Variants in PPM1H observed in about 807,000 individuals in gnomAD.
PPM1H encodes the protein protein phosphatase, Mg2+/Mn2+ dependent 1H, also known as protein phosphatase 1H.
PPM1H carries 27 observed loss-of-function variants against 54.9 expected under a neutral mutation model. The observed-to-expected ratio is 0.49, with a 90% CI of 0.36 to 0.68. The LOEUF is 0.68. PPM1H is among the 30% of genes least tolerant of loss of function. PPM1H has a pLI of 0.00. For synonymous variants in PPM1H, 305 were observed against 270.8 expected (o/e 1.13, Z -1.24); for missense variants, 596 against 667.8 (o/e 0.89, Z 1.19).
At chr12:62,910,473 C>A (rs1050234827) in intron 1 of PPM1H, among the ~76,000 whole-genome samples, 20 of 151,892 alleles carry the variant, frequency 1.3e-4, no homozygotes, top group Admixed American at 7.9e-4. Context: ...ATTCTTTGGA[C>A]ATTTTCTCTA....
chr12:62,694,080 T>G, intron 6 of PPM1H, 81 bp from the exon 7 acceptor site: 1 of 1,270,016 alleles, frequency 7.9e-7, no homozygotes, highest in Non-Finnish European at 1.1e-6. Flanking sequence ...GCTAGGGATT[T>G]CATTTTCCCT....
intron 1 of PPM1H, among the ~76,000 whole-genome samples, chr12:62,853,000 T>C (rs979306484): frequency 6.6e-6 from 1 of 152,178 alleles, no homozygotes; most frequent in African/African-American, 2.4e-5. Flanking sequence ...TAAAACATTA[T>C]GATAGTCTGT....
intron 4 of PPM1H, among the ~76,000 whole-genome samples, chr12:62,744,640 C>G (rs2076400370): frequency 6.6e-6 from 1 of 152,138 alleles, no homozygotes; most frequent in Non-Finnish European, 1.5e-5. Context: ...ATTCCATGCC[C>G]GAATCCTGTG....
rs931473752 is a variant in PPM1H at position 62,895,310 on chromosome 12, TGCAACTCAATG to T, written c.245+39171_245+39181del. Among the ~76,000 whole-genome samples the T allele has an allele frequency of 2.1e-4, 32 of 152,324 alleles. 1 individual carries two copies. The highest frequency in any genetic ancestry group is 7.3e-5 in the Non-Finnish European group (5 of 68,036). On this transcript the variant is annotated intron_variant, in intron 1 of 9. Coordinates refer to ENST00000228705, the MANE Select transcript of PPM1H (RefSeq NM_020700.2). ...TATCCCCTTTAATGTGATTTTTACATGCAACTCAATGGTGGTATTGGTTCATTTTGGAAAGA... is the reference window on the plus strand; with the variant it reads ...TATCCCCTTTAATGTGATTTTTACATGTGGTATTGGTTCATTTTGGAAAGA...
rs371143962 is a variant in PPM1H at position 62,804,351 on chromosome 12, C to CAAAAAAAAAAAAAAAAAAAA, written c.412-2192_412-2191insTTTTTTTTTTTTTTTTTTTT. 4.1e-4 allele frequency among the ~76,000 whole-genome samples: 57 copies of CAAAAAAAAAAAAAAAAAAAA among 137,566 alleles called. 2 individuals carry two copies. The highest frequency in any genetic ancestry group is 1.4e-3 in the African/African-American group (48 of 33,746). 90.2% of individuals were successfully genotyped at this position (137,566 alleles called of 152,430 possible). A position where few individuals can be genotyped will look rare whatever the true frequency, so the allele number is the denominator to read the frequency against. On this transcript the variant is annotated intron_variant, in intron 2 of 9. Transcript: ENST00000228705. ...CTGGGGTGACAGAGTGACCCTGTCT[C>CAAAAAAAAAAAAAAAAAAAA]AAAAAAAAAAGATTGTTTAAGAAAA...
At chr12:62,695,110 T>C (rs1391370180) in intron 6 of PPM1H, among the ~76,000 whole-genome samples, 2 of 152,142 alleles carry the variant, frequency 1.3e-5, no homozygotes, top group Non-Finnish European at 2.9e-5. Context: ...GGAGTGAGTC[T>C]GAAATCAAAT....
At chr12:62,713,181 G>A (rs924608213) in intron 6 of PPM1H, among the ~76,000 whole-genome samples, 2 of 152,186 alleles carry the variant, frequency 1.3e-5, no homozygotes, top group African/African-American at 4.8e-5. Context: ...CTGTGGGGCT[G>A]TGCTTCTCCA....
At chr12:62,663,334 T>A (rs576558454) in intron 9 of PPM1H, among the ~76,000 whole-genome samples, 2,444 of 149,750 alleles carry the variant, frequency 0.016, 44 homozygotes, top group African/African-American at 0.045. Flanking sequence ...AATTCTCTTT[T>A]AAAAAAAAAA....
At chr12:62,795,781 C>T (rs563562931) in intron 3 of PPM1H, among the ~76,000 whole-genome samples, 2 of 152,138 alleles carry the variant, frequency 1.3e-5, no homozygotes, top group South Asian at 4.2e-4. Context: ...GGCTAGGGTG[C>T]AGTGGTGTGA....
chr12:62,871,265 G>C (rs1386865730), intron 1 of PPM1H, among the ~76,000 whole-genome samples: 1 of 146,642 alleles, frequency 6.8e-6, no homozygotes, highest in African/African-American at 2.5e-5. Context: ...AAAATACTAT[G>C]CTAAGTGAAA....
intron 2 of PPM1H, among the ~76,000 whole-genome samples, chr12:62,823,577 T>C (rs1001615214): frequency 6.6e-6 from 1 of 152,220 alleles, no homozygotes; most frequent in Non-Finnish European, 1.5e-5. Flanking sequence ...ATCCCTGGGA[T>C]GCAAGGCTTG....
intron 1 of PPM1H, among the ~76,000 whole-genome samples, chr12:62,842,682 T>A (rs1432370155): frequency 1.3e-5 from 2 of 152,200 alleles, no homozygotes; most frequent in Admixed American, 6.5e-5. Context: ...TAAGGAGGGT[T>A]TTAAGCCCTA....
chr12:62,659,269 CAAAAAAAA>C (rs11349692), intron 9 of PPM1H: 21 of 91,612 alleles, frequency 2.3e-4, no homozygotes, highest in African/African-American at 3.5e-4. Context: ...GTAAAAACTG[CAAAAAAAA>C]AAAAAAAAAA....
intron 1 of PPM1H, among the ~76,000 whole-genome samples, chr12:62,891,104 CAAAAA>C (rs71450596): frequency 2.6e-5 from 2 of 76,104 alleles, no homozygotes; most frequent in Admixed American, 1.5e-4. Context: ...GCAAGACTCT[CAAAAA>C]AAAAAAAAAA....
At chr12:62,730,712 C>A (rs74851537) in intron 5 of PPM1H, among the ~76,000 whole-genome samples, 2,293 of 151,870 alleles carry the variant, frequency 0.015, 35 homozygotes, top group East Asian at 0.087. Context: ...GGAAAATCTC[C>A]TCAGATTATA....
chr12:62,677,131 C>T (rs1230811641), intron 8 of PPM1H, among the ~76,000 whole-genome samples: 1 of 152,158 alleles, frequency 6.6e-6, no homozygotes, highest in Non-Finnish European at 1.5e-5. Context: ...GAGGGCTGCA[C>T]TCATCAGGAT....
At chr12:62,791,724 C>T (rs777822623) in intron 3 of PPM1H, among the ~76,000 whole-genome samples, 4 of 152,140 alleles carry the variant, frequency 2.6e-5, no homozygotes, top group Non-Finnish European at 5.9e-5. Flanking sequence ...ATTTTGAGAC[C>T]AGCCTGATCA....
At chr12:62,688,526 A>G (rs2076066248) in intron 8 of PPM1H, among the ~76,000 whole-genome samples, 1 of 152,206 alleles carries the variant, frequency 6.6e-6, no homozygotes, top group Non-Finnish European at 1.5e-5. Flanking sequence ...TTTCTAAATG[A>G]TATATCCAGA....
At chr12:62,739,984 A>T (rs906171964) in intron 4 of PPM1H, among the ~76,000 whole-genome samples, 1 of 151,956 alleles carries the variant, frequency 6.6e-6, no homozygotes, top group African/African-American at 2.4e-5. Context: ...AATGTCAGTT[A>T]CTCCCACTCC....
Sources: allele counts gnomAD v4.1 joint callset (sites outside exome capture counted in the v4.1 genomes callset), GRCh38; gene constraint gnomAD v4.1.1; transcripts MANE v1.5; gene names NCBI Gene and HGNC (gene_info 2026-07-23, HGNC 2026-07-21).